CTNNA1: variants seen among roughly 807,000 people sequenced by gnomAD.
The protein encoded by CTNNA1 is catenin alpha 1.
Under a neutral mutation model 98.4 loss-of-function variants are expected in CTNNA1, and 37 were observed. The ratio of observed to expected loss-of-function variants is 0.38; its 90% confidence interval spans 0.29 to 0.49. CTNNA1 has a LOEUF of 0.49. CTNNA1 is among the 20% of genes least tolerant of loss of function. The pLI, the probability that CTNNA1 is intolerant of heterozygous loss-of-function variation, is 0.95. For synonymous variants in CTNNA1, 404 were observed against 413.2 expected, an observed-to-expected ratio of 0.98 and a Z score of 0.27; for missense variants, 761 against 1,147.2, an observed-to-expected ratio of 0.66 and a Z score of 4.86.
chr5:138,796,668 G>A (rs1409772667), intron 3 of CTNNA1, among the ~76,000 whole-genome samples: 1 of 152,152 alleles, frequency 6.6e-6, no homozygotes, highest in Non-Finnish European at 1.5e-5. Flanking sequence ...AGTGGGAGAA[G>A]GGAGAGTTGG....
rs1473564325 is a variant in CTNNA1, at chr5:138,934,336, C to CAAAG, written c.*249_*252dup. 11 of 484,574 alleles carry CAAAG rather than the reference C, an allele frequency of 2.3e-5. No individual in the cohort carries two copies. The highest frequency in any genetic ancestry group is 1.8e-4 in the African/African-American group (9 of 51,176). The allele number at this position is 484,574 out of a possible 1,614,324, so 30.0% of individuals were successfully genotyped here. A position where few individuals can be genotyped will look rare whatever the true frequency, so the allele number is the denominator to read the frequency against. On this transcript the variant is annotated 3_prime_UTR_variant, in exon 18 of 18. Transcript: ENST00000302763. ...TTAAATAAAAATAAAAATTCATAACCAAAGAGAATCCCACATTAGCTTGTT... is the reference window on the plus strand; with the variant it reads ...TTAAATAAAAATAAAAATTCATAACCAAAGAAAGAGAATCCCACATTAGCTTGTT...
chr5:138,819,870 T>TG (rs1411206583), intron 5 of CTNNA1, among the ~76,000 whole-genome samples: 39 of 102,358 alleles, frequency 3.8e-4, no homozygotes, highest in Non-Finnish European at 7.2e-4. Flanking sequence ...GGGGGGTGAG[T>TG]GGGGGGATTT....
chr5:138,823,718 G>A (rs1188322113), intron 5 of CTNNA1, among the ~76,000 whole-genome samples: 1 of 151,992 alleles, frequency 6.6e-6, no homozygotes, highest in Non-Finnish European at 1.5e-5. Flanking sequence ...AGCACTTTGG[G>A]AGGCCGAGGC....
At chr5:138,841,269 T>G (rs757163103) in intron 7 of CTNNA1, among the ~76,000 whole-genome samples, 1 of 152,180 alleles carries the variant, frequency 6.6e-6, no homozygotes, top group Non-Finnish European at 1.5e-5. Flanking sequence ...ATGTATTTAT[T>G]TATTTTTTGA....
At chr5:138,826,085 A>G (rs1025983940) in intron 6 of CTNNA1, among the ~76,000 whole-genome samples, 3 of 152,090 alleles carry the variant, frequency 2.0e-5, no homozygotes, top group African/African-American at 4.8e-5. Flanking sequence ...TTCATTTCTC[A>G]TTTTTGTTGG....
At chr5:138,882,608 A>G (rs1753165426) in intron 7 of CTNNA1, among the ~76,000 whole-genome samples, 2 of 152,318 alleles carry the variant, frequency 1.3e-5, no homozygotes, top group East Asian at 1.9e-4. Context: ...AGGGACTAAA[A>G]TGTGCCTTGA....
At chr5:138,766,517 T>C (rs1580882762) in intron 1 of CTNNA1, among the ~76,000 whole-genome samples, 2 of 150,110 alleles carry the variant, frequency 1.3e-5, no homozygotes. Context: ...TGGAGAATGA[T>C]TGGAAATTAG....
Position 138,837,588 on chromosome 5 carries a change from T to TCTCTCTCTC in CTNNA1, c.1062+9878_1062+9886dup, listed in dbSNP as rs1430330458. Among the ~76,000 whole-genome samples, 4 of 140,982 alleles carry TCTCTCTCTC rather than the reference T, an allele frequency of 2.8e-5. No homozygotes were observed. The East Asian group carries it at 9.1e-4, about 32-fold the overall frequency. 92.5% of individuals were successfully genotyped at this position (140,982 alleles called of 152,430 possible). On this transcript the variant is annotated intron_variant, in intron 7 of 17. Transcript: ENST00000302763. ...TTCTCTTCTCCTCTCTCCTCTCTCT[T>TCTCTCTCTC]CTCTCTCTCCTCTCTCCTCTCTCCT...
intron 1 of CTNNA1, among the ~76,000 whole-genome samples, chr5:138,778,160 A>T (rs976557503): frequency 2.0e-5 from 3 of 150,484 alleles, no homozygotes; most frequent in Non-Finnish European, 3.0e-5. Context: ...CGCCCGGCTA[A>T]TTTTTTGGTA....
At chr5:138,865,527 G>A (rs2149897006) in intron 7 of CTNNA1, among the ~76,000 whole-genome samples, 1 of 152,312 alleles carries the variant, frequency 6.6e-6, no homozygotes, top group East Asian at 1.9e-4. Context: ...CCAATGTGCT[G>A]CTTTATCCGA....
At chr5:138,809,628 C>T (rs901225709) in intron 3 of CTNNA1, among the ~76,000 whole-genome samples, 1 of 152,094 alleles carries the variant, frequency 6.6e-6, no homozygotes, top group African/African-American at 2.4e-5. Context: ...GGTGGTTCTG[C>T]ATAATTGTGG....
At chr5:138,773,987 G>A (rs1236403184) in intron 1 of CTNNA1, among the ~76,000 whole-genome samples, 1 of 152,070 alleles carries the variant, frequency 6.6e-6, no homozygotes, top group African/African-American at 2.4e-5. Context: ...GGGTTCAAGC[G>A]ATTCTCATGC....
intron 17 of CTNNA1, among the ~76,000 whole-genome samples, chr5:138,933,271 C>G (rs868668535): frequency 1.3e-5 from 2 of 152,192 alleles, no homozygotes; most frequent in South Asian, 2.1e-4. Context: ...TTCTTTTTAC[C>G]ACATCACAGT....
intron 1 of CTNNA1, among the ~76,000 whole-genome samples, chr5:138,771,279 A>C (rs1753525918): frequency 6.6e-6 from 1 of 151,636 alleles, no homozygotes; most frequent in Non-Finnish European, 1.5e-5. Context: ...TGATGCTTGT[A>C]GCACAGCAGT....
chr5:138,773,243 TAAAC>T (rs1240048410), intron 1 of CTNNA1, among the ~76,000 whole-genome samples: 3 of 152,170 alleles, frequency 2.0e-5, no homozygotes, highest in South Asian at 2.1e-4. Context: ...CATAAATAAG[TAAAC>T]AAAGAAGACG....
At chr5:138,837,602 C>T (rs1398996963) in intron 7 of CTNNA1, among the ~76,000 whole-genome samples, 2 of 146,526 alleles carry the variant, frequency 1.4e-5, no homozygotes, top group Admixed American at 6.9e-5. Flanking sequence ...TCTCTCCTCT[C>T]TCCTCTCTCC....
intron 3 of CTNNA1, among the ~76,000 whole-genome samples, chr5:138,809,821 C>G (rs576496589): frequency 2.0e-5 from 3 of 151,884 alleles, no homozygotes; most frequent in African/African-American, 7.3e-5. Context: ...AGTCACTTTC[C>G]AGATATTTTG....
chr5:138,866,626 G>A (rs1269119401), intron 7 of CTNNA1, among the ~76,000 whole-genome samples: 1 of 152,158 alleles, frequency 6.6e-6, no homozygotes, highest in African/African-American at 2.4e-5. Flanking sequence ...CATTGGGCAA[G>A]CCTTTGCTCT....
intron 11 of CTNNA1, among the ~76,000 whole-genome samples, chr5:138,923,573 G>A (rs1353646047): frequency 6.6e-6 from 1 of 152,118 alleles, no homozygotes; most frequent in African/African-American, 2.4e-5. Context: ...TGCCCAGGCT[G>A]GAATGCAGTG....
Sources: allele counts gnomAD v4.1 joint callset (sites outside exome capture counted in the v4.1 genomes callset), GRCh38; gene constraint gnomAD v4.1.1; transcripts MANE v1.5; gene names NCBI Gene and HGNC (gene_info 2026-07-23, HGNC 2026-07-21).